Variants in FAM47E observed in about 807,000 individuals in gnomAD.
FAM47E encodes protein FAM47E.
In FAM47E, 32 loss-of-function variants were observed where a neutral mutation model predicts 41.6. That is an observed-to-expected ratio of 0.77 (90% confidence interval 0.58 to 1.03). The LOEUF (loss-of-function observed/expected upper bound fraction) is 1.03, where lower values mean the gene tolerates loss of function less well. FAM47E is among the 50% of genes least tolerant of loss of function. The pLI, the probability that FAM47E is intolerant of heterozygous loss-of-function variation, is 0.00. For missense variants in FAM47E, 424 were observed against 485.4 expected (o/e 0.87, Z 1.19); for synonymous variants, 184 against 188.7 (o/e 0.98, Z 0.20).
chr4:76,263,808 T>G lies in FAM47E; in HGVS notation c.525T>G (p.Leu175=). The change falls in exon 3 of 8, where the codon CTT becomes CTG. Residue 175 remains leucine (L), a synonymous_variant. Transcript: ENST00000424749. ...AAGGAATGAAGGAACCCACGAAGCT[T>G]TTAAAAAAACATTCTACCCAAGTCT... ...TRKGMKEPTK[L]LKKHSTQVYL... The G allele has an allele frequency of 6.4e-7, 1 of 1,551,412 alleles. No homozygotes were observed. The highest frequency in any genetic ancestry group is 1.2e-5 in the South Asian group (1 of 84,042).
Position 76,283,491 on chromosome 4 carries a change from A to G in FAM47E, c.*33A>G. 2 of 1,254,856 alleles carry G rather than the reference A, an allele frequency of 1.6e-6. No individual in the cohort carries two copies. Among genetic ancestry groups the G allele is most frequent in the Non-Finnish European group, 2.3e-6 (2 of 877,766 alleles). 77.7% of individuals were successfully genotyped at this position (1,254,856 alleles called of 1,614,324 possible). ...GTAGGAGAATGATTAGGCAGATTTTATTACTACGTACTTGGCTATTTCTCT... is the reference window on the plus strand; with the variant it reads ...GTAGGAGAATGATTAGGCAGATTTTGTTACTACGTACTTGGCTATTTCTCT... On this transcript the variant is annotated 3_prime_UTR_variant, in exon 8 of 8. Coordinates refer to ENST00000424749, the MANE Select transcript of FAM47E (RefSeq NM_001136570.3).
intron 2 of FAM47E, among the ~76,000 whole-genome samples, chr4:76,245,711 A>T (rs1006297054): frequency 1.3e-5 from 2 of 152,142 alleles, no homozygotes; most frequent in Non-Finnish European, 2.9e-5. Flanking sequence ...CCCACCAGCA[A>T]TGTATCCCTA....
intron 3 of FAM47E, among the ~76,000 whole-genome samples, chr4:76,266,230 C>T (rs1031395039): frequency 2.6e-5 from 4 of 152,186 alleles, no homozygotes; most frequent in African/African-American, 9.7e-5. Context: ...TGGTCTTTGA[C>T]GTCTTTTCAG....
intron 1 of FAM47E, 52 bp downstream of exon 1, chr4:76,251,872 G>A (rs1308298391): frequency 5.9e-6 from 8 of 1,362,936 alleles, no homozygotes; most frequent in Non-Finnish European, 6.6e-6. Context: ...GCCGCGCGGG[G>A]GCGCCTGGAG....
At chr4:76,221,707 AACAC>A (rs745380168) in intron 2 of FAM47E, among the ~76,000 whole-genome samples, 2 of 152,214 alleles carry the variant, frequency 1.3e-5, no homozygotes, top group African/African-American at 2.4e-5. Context: ...CTAAGCATCA[AACAC>A]ACACGGACAC....
chr4:76,247,283 C>T (rs1294547375), upstream of FAM47E, among the ~76,000 whole-genome samples: 1 of 152,074 alleles, frequency 6.6e-6, no homozygotes, highest in African/African-American at 2.4e-5. Context: ...AAATTTCATT[C>T]TTTTTATGAA....
Position 76,275,664 on chromosome 4 carries a change from CG to C in FAM47E, c.871-2401del, listed in dbSNP as rs1735066420. Among the ~76,000 whole-genome samples the C allele has an allele frequency of 6.6e-5, 10 of 152,208 alleles. No homozygotes were observed. In the South Asian group the frequency reaches 1.9e-3, roughly 28 times the overall value. On this transcript the variant is annotated intron_variant, in intron 5 of 7. Transcript: ENST00000424749. ...AAGAGGTAATCAATTCCATCAAGCA[CG>C]GGGTGAGGGCATGTTTACAAAGGCA...
At chr4:76,228,454 G>A (rs1347552490) in intron 2 of FAM47E, among the ~76,000 whole-genome samples, 1 of 151,442 alleles carries the variant, frequency 6.6e-6, no homozygotes, top group African/African-American at 2.4e-5. Flanking sequence ...ACTCCAGCCT[G>A]GGCGATGGAG....
upstream of FAM47E, among the ~76,000 whole-genome samples, chr4:76,248,307 T>C (rs1298349903): frequency 6.6e-6 from 1 of 152,140 alleles, no homozygotes; most frequent in Non-Finnish European, 1.5e-5. Context: ...TTGCTTTGGC[T>C]TTTGGTATCA....
chr4:76,259,677 T>C (rs1402312094), intron 2 of FAM47E, among the ~76,000 whole-genome samples: 2 of 151,952 alleles, frequency 1.3e-5, no homozygotes, highest in African/African-American at 4.8e-5. Flanking sequence ...CCTGAAAGAG[T>C]TATCAATAAA....
intron 2 of FAM47E, among the ~76,000 whole-genome samples, chr4:76,228,966 C>A (rs1733447483): frequency 6.6e-6 from 1 of 152,136 alleles, no homozygotes; most frequent in Non-Finnish European, 1.5e-5. Flanking sequence ...CACAGGAACA[C>A]CAATTATTCT....
intron 4 of FAM47E, among the ~76,000 whole-genome samples, chr4:76,270,252 A>G (rs1457013242): frequency 6.6e-6 from 1 of 152,192 alleles, no homozygotes; most frequent in African/African-American, 2.4e-5. Context: ...CTTATATCCT[A>G]CCAGCGAGCA....
chr4:76,230,283 C>T (rs1029223734), intron 2 of FAM47E, among the ~76,000 whole-genome samples: 2 of 152,058 alleles, frequency 1.3e-5, no homozygotes, highest in African/African-American at 4.8e-5. Context: ...ACCTCTCTCA[C>T]TAAGAAAGTG....
intron 2 of FAM47E, among the ~76,000 whole-genome samples, chr4:76,222,605 G>C (rs997224333): frequency 6.6e-6 from 1 of 152,106 alleles, no homozygotes; most frequent in Non-Finnish European, 1.5e-5. Context: ...CTCAAGTTCC[G>C]GGTAATCATC....
intron 7 of FAM47E, chr4:76,282,720 G>A (rs1735408415): frequency 6.6e-6 from 1 of 152,134 alleles, no homozygotes; most frequent in Non-Finnish European, 1.5e-5. Flanking sequence ...TCACAACAGA[G>A]TCCTCTGAGA....
At position 76,251,931 on chromosome 4, in the gene FAM47E, C is replaced by G. The variant is rs531772968; in HGVS notation, c.74+111C>G. 8 of 1,293,496 alleles carry G rather than the reference C, an allele frequency of 6.2e-6. No individual in the cohort carries two copies. The South Asian group carries it at 1.5e-4, about 25-fold the overall frequency. The allele number at this position is 1,293,496 out of a possible 1,614,324, so 80.1% of individuals were successfully genotyped here. A position where few individuals can be genotyped will look rare whatever the true frequency, so the allele number is the denominator to read the frequency against. On this transcript the variant is annotated intron_variant, in intron 1 of 7. Coordinates refer to ENST00000424749, the MANE Select transcript of FAM47E (RefSeq NM_001136570.3). ...CGAGGGGAGAGGTCCAGCCTGCCTTCCCTCCTCAATGCTTCCTGTACGTAC... is the reference window on the plus strand; with the variant it reads ...CGAGGGGAGAGGTCCAGCCTGCCTTGCCTCCTCAATGCTTCCTGTACGTAC...
intron 3 of FAM47E, among the ~76,000 whole-genome samples, chr4:76,267,297 G>A (rs1189282969): frequency 1.3e-5 from 2 of 152,218 alleles, no homozygotes; most frequent in East Asian, 1.9e-4. Flanking sequence ...ATGCCTCCCC[G>A]AGGAAGGCAC....
At chr4:76,243,963 A>G (rs759811192) in intron 2 of FAM47E, among the ~76,000 whole-genome samples, 2 of 151,654 alleles carry the variant, frequency 1.3e-5, no homozygotes, top group East Asian at 3.9e-4. Flanking sequence ...TCATTGTTCA[A>G]CTCCCACTTA....
rs185108417 is a variant in FAM47E, at chr4:76,279,217, G to A, written c.1026+993G>A. 5 of 152,190 alleles carry A rather than the reference G, an allele frequency of 3.3e-5. No homozygotes were observed. The East Asian group carries it at 9.6e-4, about 29-fold the overall frequency. 9.4% of individuals were successfully genotyped at this position (152,190 alleles called of 1,614,324 possible). On this transcript the variant is annotated intron_variant, in intron 6 of 7. Coordinates refer to ENST00000424749, the MANE Select transcript of FAM47E (RefSeq NM_001136570.3). Reference sequence around the variant, plus strand: ...TTAGTATGGTTTTTGGAAAGCCTAGGTTTATGTGAATTTAATATATAACAT... The same window carrying A: ...TTAGTATGGTTTTTGGAAAGCCTAGATTTATGTGAATTTAATATATAACAT...
Sources: allele counts gnomAD v4.1 joint callset (sites outside exome capture counted in the v4.1 genomes callset), GRCh38; gene constraint gnomAD v4.1.1; transcripts MANE v1.5; gene names NCBI Gene and HGNC (gene_info 2026-07-23, HGNC 2026-07-21).